Variants in ITPR2 observed in about 807,000 individuals in gnomAD.
ITPR2 encodes inositol 1,4,5-trisphosphate-gated calcium channel ITPR2.
A neutral mutation model predicts 317.1 loss-of-function variants in ITPR2; 207 were observed. That is an observed-to-expected ratio of 0.65 (90% confidence interval 0.58 to 0.73). The LOEUF (loss-of-function observed/expected upper bound fraction) is 0.73, where lower values mean the gene tolerates loss of function less well. ITPR2 is among the 30% of genes least tolerant of loss of function. The probability of loss-of-function intolerance (pLI) is 0.00; values close to 1 mark genes in which losing one functional copy is unlikely to be tolerated. For synonymous variants in ITPR2, 1,156 were observed against 1,149.1 expected (o/e 1.01, Z -0.12); for missense variants, 2,613 against 3,284.0 (o/e 0.80, Z 4.99).
chr12:26,598,340 C>G (rs1945902092), intron 30 of ITPR2, among the ~76,000 whole-genome samples: 1 of 152,164 alleles, frequency 6.6e-6, no homozygotes, highest in African/African-American at 2.4e-5. Context: ...AAATCTCCTC[C>G]ATTCCCAAAT....
At chr12:26,453,702 T>C (rs1174424746) in intron 45 of ITPR2, among the ~76,000 whole-genome samples, 2 of 152,226 alleles carry the variant, frequency 1.3e-5, no homozygotes, top group Admixed American at 1.3e-4. Context: ...GATGACCAGG[T>C]AATATTACTT....
At chr12:26,696,766 G>A (rs1462489871) in intron 9 of ITPR2, among the ~76,000 whole-genome samples, 1 of 152,192 alleles carries the variant, frequency 6.6e-6, no homozygotes, top group Non-Finnish European at 1.5e-5. Flanking sequence ...TAAGAAGATA[G>A]TGAGTCAGTT....
At chr12:26,631,671 T>C (rs1244158758) in intron 22 of ITPR2, among the ~76,000 whole-genome samples, 195 bp downstream of exon 22, 1 of 152,204 alleles carries the variant, frequency 6.6e-6, no homozygotes, top group African/African-American at 2.4e-5. Flanking sequence ...TTAATGGGAA[T>C]GGACAAATGT....
At chr12:26,614,815 T>C (rs2880874) in intron 26 of ITPR2, among the ~76,000 whole-genome samples, 20,553 of 152,082 alleles carry the variant, frequency 0.14, 1,889 homozygotes, top group Admixed American at 0.19. Flanking sequence ...GAGAGACAAA[T>C]AGGTGAAGCA....
In ITPR2 at chr12:26,772,573, A is replaced by G. The variant is rs375345841; in HGVS notation, c.163+17584T>C. On this transcript the variant is annotated intron_variant, in intron 2 of 56. Transcript: ENST00000381340. ...TATAATACATGTATTATATATATAT[A>G]TGTATCTTATCTTCTTCATTAGATT... Among the ~76,000 whole-genome samples the G allele has an allele frequency of 4.0e-4, 34 of 85,648 alleles. No individual in the cohort carries two copies. The South Asian group carries it at 9.9e-3, about 25-fold the overall frequency. The allele number at this position is 85,648 out of a possible 152,430, so 56.2% of individuals were successfully genotyped here.
At chr12:26,818,433 G>T (rs1014751003) in intron 1 of ITPR2, among the ~76,000 whole-genome samples, 1 of 152,142 alleles carries the variant, frequency 6.6e-6, no homozygotes, top group South Asian at 2.1e-4. Context: ...CAATGACTTC[G>T]TTGTACTGAC....
In ITPR2 at chr12:26,656,368, G is replaced by A; in HGVS notation, c.2373C>T (p.Pro791=). The A allele has an allele frequency of 1.2e-6, 2 of 1,614,136 alleles. No homozygotes were observed. The highest frequency in any genetic ancestry group is 2.2e-5 in the East Asian group (1 of 44,878). Reference sequence around the variant, plus strand: ...AGCGAACAGGCACCACGGACTCCTGGGGATCCCGGTCAACGTGCATGTGGA... The same window carrying A: ...AGCGAACAGGCACCACGGACTCCTGAGGATCCCGGTCAACGTGCATGTGGA... ...LMLHMHVDRD[P]QESVVPVRYA... Residue 791 remains proline, a synonymous_variant, in exon 19 of 57, where the codon CCC becomes CCT. Transcript: ENST00000381340.
chr12:26,388,874 C>T (rs1939747088), intron 54 of ITPR2, among the ~76,000 whole-genome samples: 1 of 151,952 alleles, frequency 6.6e-6, no homozygotes, highest in Admixed American at 6.6e-5. Context: ...AATTTTCTTC[C>T]CTAAACCTGC....
At chr12:26,702,669 A>AC (rs1393174235) in intron 9 of ITPR2, among the ~76,000 whole-genome samples, 1 of 152,162 alleles carries the variant, frequency 6.6e-6, no homozygotes, top group Middle Eastern at 3.4e-3. Context: ...TGAACTCCTG[A>AC]CCTCAAGTGA....
chr12:26,342,180 A>C (rs1020587472), intron 55 of ITPR2, among the ~76,000 whole-genome samples: 8 of 152,032 alleles, frequency 5.3e-5, no homozygotes, highest in Non-Finnish European at 1.0e-4. Context: ...CAGGAAGATC[A>C]AGGTTTAAGG....
chr12:26,490,175 C>T (rs1375237811), intron 39 of ITPR2, among the ~76,000 whole-genome samples: 1 of 152,132 alleles, frequency 6.6e-6, no homozygotes, highest in African/African-American at 2.4e-5. Context: ...ATCCCCTATA[C>T]TGAAGAAGTT....
intron 26 of ITPR2, among the ~76,000 whole-genome samples, chr12:26,611,611 A>T (rs1215653274): frequency 6.6e-6 from 1 of 152,196 alleles, no homozygotes; most frequent in African/African-American, 2.4e-5. Context: ...AGGTGAGTAG[A>T]TAGATATAGA....
intron 48 of ITPR2, among the ~76,000 whole-genome samples, chr12:26,431,486 A>T (rs1941207438): frequency 6.6e-6 from 1 of 152,202 alleles, no homozygotes; most frequent in Admixed American, 6.5e-5. Flanking sequence ...ACAAACAAAC[A>T]GCCACAAAAA....
rs946835396 is a variant in ITPR2 at position 26,578,889 on chromosome 12, T to C, written c.4510-56A>G. 2.6e-6 allele frequency: 4 copies of C among 1,537,386 alleles called. No individual in the cohort carries two copies. In the African/African-American group the frequency reaches 5.5e-5, roughly 21 times the overall value. The stretch of plus-strand genomic sequence containing the variant: ...GATGCTAAACCATTAACAGCCCTGA[T>C]GTAGCATCTATGCATTCTCAGAAAG... On this transcript the variant is annotated intron_variant, in intron 33 of 56. Transcript: ENST00000381340.
chr12:26,765,898 T>C (rs956920347), intron 2 of ITPR2, among the ~76,000 whole-genome samples: 3 of 152,188 alleles, frequency 2.0e-5, no homozygotes, highest in Admixed American at 6.5e-5. Context: ...ATGCAATATG[T>C]AGCATTTTAT....
chr12:26,391,551 T>TTC (rs1382376976), intron 54 of ITPR2, among the ~76,000 whole-genome samples: 3 of 60,564 alleles, frequency 5.0e-5, no homozygotes, highest in Admixed American at 2.1e-4. Flanking sequence ...CTTCTTCTTC[T>TTC]TTTCCTTTTT....
Position 26,708,180 on chromosome 12 carries a change from C to T in ITPR2, c.951+2993G>A, listed in dbSNP as rs983086643. 4.7e-4 allele frequency among the ~76,000 whole-genome samples: 71 copies of T among 152,256 alleles called. 1 individual carries two copies. The highest frequency in any genetic ancestry group is 5.8e-4 in the East Asian group (3 of 5,180). ...AAATTAGTGCAGCCACTATAGAGAACAGTATGGCGGTTCCTCAAAAAACTA... is the reference window on the plus strand; with the variant it reads ...AAATTAGTGCAGCCACTATAGAGAATAGTATGGCGGTTCCTCAAAAAACTA... On this transcript the variant is annotated intron_variant, in intron 9 of 56. Coordinates refer to ENST00000381340, the MANE Select transcript of ITPR2 (RefSeq NM_002223.4).
intron 9 of ITPR2, among the ~76,000 whole-genome samples, chr12:26,709,878 A>G (rs996731295): frequency 6.6e-6 from 1 of 152,212 alleles, no homozygotes; most frequent in Non-Finnish European, 1.5e-5. Flanking sequence ...GCAAAGCTGT[A>G]TTTCATCTAG....
At chr12:26,776,172 A>C (rs1343737886) in intron 2 of ITPR2, among the ~76,000 whole-genome samples, 2 of 152,002 alleles carry the variant, frequency 1.3e-5, no homozygotes, top group Non-Finnish European at 2.9e-5. Context: ...AGCTGTTTAA[A>C]GAGTTACGCA....
Sources: allele counts gnomAD v4.1 joint callset (sites outside exome capture counted in the v4.1 genomes callset), GRCh38; gene constraint gnomAD v4.1.1; transcripts MANE v1.5; gene names NCBI Gene and HGNC (gene_info 2026-07-23, HGNC 2026-07-21).